NRF1: variants seen among roughly 807,000 people sequenced by gnomAD.
NRF1 encodes the protein nuclear respiratory factor 1.
Under a neutral mutation model 58.5 loss-of-function variants are expected in NRF1, and 5 were observed. That is an observed-to-expected ratio of 0.09 (90% CI 0.04 to 0.18). The LOEUF is 0.18. Among genes scored for constraint, NRF1 ranks in the 10% least tolerant of loss-of-function variants. NRF1 has a pLI of 1.00. For missense variants in NRF1, 288 were observed against 657.7 expected, an observed-to-expected ratio of 0.44 and a Z score of 6.15; for synonymous variants, 224 against 246.7, an observed-to-expected ratio of 0.91 and a Z score of 0.86.
intron 10 of NRF1, among the ~76,000 whole-genome samples, chr7:129,749,004 C>T (rs1804049147): frequency 6.6e-6 from 1 of 152,176 alleles, no homozygotes; most frequent in South Asian, 2.1e-4. Flanking sequence ...CCGTGGTCTA[C>T]CACAGTGCTC....
At chr7:129,663,098 A>G (rs1244605779) in intron 2 of NRF1, among the ~76,000 whole-genome samples, 1 of 152,264 alleles carries the variant, frequency 6.6e-6, no homozygotes, top group Non-Finnish European at 1.5e-5. Context: ...ACAGCATCCC[A>G]AGGCAGAAGA....
chr7:129,657,148 G>T (rs941605732), intron 1 of NRF1, among the ~76,000 whole-genome samples, 198 bp from the exon 2 acceptor site: 2 of 152,110 alleles, frequency 1.3e-5, no homozygotes, highest in Non-Finnish European at 2.9e-5. Context: ...ATGGTTTCAC[G>T]TAAGAACACC....
chr7:129,619,767 T>TTTTTTTTTTTTTTTTTTTTA, intron 1 of NRF1, among the ~76,000 whole-genome samples: 1 of 148,578 alleles, frequency 6.7e-6, no homozygotes. Flanking sequence ...TTTTACATTG[T>TTTTTTTTTTTTTTTTTTTTA]CTTAAATTCT....
At chr7:129,612,120 G>A (rs1562947866) in intron 1 of NRF1, among the ~76,000 whole-genome samples, 1 of 150,540 alleles carries the variant, frequency 6.6e-6, no homozygotes, top group Non-Finnish European at 1.5e-5. Flanking sequence ...GCCGCCTGGG[G>A]CTCTCGGGGC....
At chr7:129,657,080 G>C (rs1381047139) in intron 1 of NRF1, among the ~76,000 whole-genome samples, 4 of 152,240 alleles carry the variant, frequency 2.6e-5, no homozygotes, top group African/African-American at 7.2e-5. Flanking sequence ...TTATTATTAA[G>C]GGTATCTGTT....
intron 10 of NRF1, among the ~76,000 whole-genome samples, chr7:129,732,035 C>G (rs1803591258): frequency 6.6e-6 from 1 of 152,150 alleles, no homozygotes; most frequent in South Asian, 2.1e-4. Context: ...TCTGCTGGTC[C>G]CCAGAACCCC....
intron 4 of NRF1, among the ~76,000 whole-genome samples, chr7:129,678,313 A>G (rs1039129326): frequency 6.6e-6 from 1 of 152,184 alleles, no homozygotes; most frequent in Non-Finnish European, 1.5e-5. Flanking sequence ...AATAGGAACT[A>G]TTCTTTCTTG....
At chr7:129,640,259 G>A (rs1297115078) in intron 1 of NRF1, among the ~76,000 whole-genome samples, 1 of 152,192 alleles carries the variant, frequency 6.6e-6, no homozygotes, top group East Asian at 1.9e-4. Flanking sequence ...GTTCATGCCT[G>A]TAATCCAAGT....
intron 1 of NRF1, among the ~76,000 whole-genome samples, chr7:129,619,459 C>CATGT (rs1554401510): frequency 1.6e-4 from 10 of 61,150 alleles, no homozygotes; most frequent in African/African-American, 7.5e-4. Context: ...TATATATACA[C>CATGT]GTGTGTGTGT....
At chr7:129,664,495 G>A (rs1413077610) in intron 2 of NRF1, among the ~76,000 whole-genome samples, 1 of 152,214 alleles carries the variant, frequency 6.6e-6, no homozygotes, top group Non-Finnish European at 1.5e-5. Flanking sequence ...TGTCCACTGT[G>A]TATTTCCGGA....
chr7:129,635,370 TTTTG>T (rs749003343), intron 1 of NRF1, among the ~76,000 whole-genome samples: 26 of 152,182 alleles, frequency 1.7e-4, no homozygotes, highest in Non-Finnish European at 2.6e-4. Context: ...CTGTTACAGT[TTTTG>T]TTTGTTTGTT....
intron 1 of NRF1, among the ~76,000 whole-genome samples, chr7:129,613,780 TC>T (rs2151051439): frequency 1.2e-5 from 1 of 82,740 alleles, no homozygotes; most frequent in South Asian, 4.9e-4. Context: ...GCGCCAGTAA[TC>T]CCAGCTGCTG....
At chr7:129,699,462 C>A (rs1324641006) in intron 5 of NRF1, among the ~76,000 whole-genome samples, 1 of 152,020 alleles carries the variant, frequency 6.6e-6, no homozygotes, top group Non-Finnish European at 1.5e-5. Flanking sequence ...GCCTGTAATA[C>A]CAACACTTTA....
At chr7:129,650,518 ACTGT>A (rs1271856645) in intron 1 of NRF1, among the ~76,000 whole-genome samples, 2 of 152,188 alleles carry the variant, frequency 1.3e-5, no homozygotes, top group Non-Finnish European at 2.9e-5. Flanking sequence ...CTCAGAGATG[ACTGT>A]CTGATTTAGA....
intron 10 of NRF1, among the ~76,000 whole-genome samples, chr7:129,729,775 G>A (rs953383574): frequency 3.3e-5 from 5 of 152,154 alleles, no homozygotes; most frequent in Non-Finnish European, 7.3e-5. Context: ...GACTTTTAGA[G>A]GTTCTCTTTT....
At chr7:129,743,156 C>A (rs1373566026) in intron 10 of NRF1, among the ~76,000 whole-genome samples, 1 of 140,708 alleles carries the variant, frequency 7.1e-6, no homozygotes, top group East Asian at 2.1e-4. Flanking sequence ...ATGTCCTTTG[C>A]CTACTCCTAC....
In NRF1 at chr7:129,727,259, T is replaced by C. The variant is rs1803470895; in HGVS notation, c.1242T>C (p.Ala414=). The C allele has an allele frequency of 1.3e-6, 2 of 1,598,380 alleles. No homozygotes were observed. The highest frequency in any genetic ancestry group is 1.4e-5 in the African/African-American group (1 of 73,692). ...MALNSEAAAH[A]VATLAEATLQ... ...CCCGCAGCGAAGCTGCCGCCCATGCTGTCGCCACCCTGGCTGAGGCCACCT... is the reference window on the plus strand; with the variant it reads ...CCCGCAGCGAAGCTGCCGCCCATGCCGTCGCCACCCTGGCTGAGGCCACCT... Residue 414 remains alanine (A), a synonymous_variant, in exon 10 of 11, where the codon GCT becomes GCC. Transcript: ENST00000393232.
At chr7:129,691,349 T>TTTA (rs61017777) in intron 5 of NRF1, among the ~76,000 whole-genome samples, 2,807 of 137,482 alleles carry the variant, frequency 0.02, 118 homozygotes, top group African/African-American at 0.068. Flanking sequence ...TATTTATTTA[T>TTTA]TTATTATTAT....
intron 1 of NRF1, among the ~76,000 whole-genome samples, chr7:129,613,790 T>C (rs1213512274): frequency 9.9e-4 from 5 of 5,062 alleles, no homozygotes; most frequent in Middle Eastern, 0.045. Flanking sequence ...TCCCAGCTGC[T>C]GGGAGGGGCG....
Sources: gnomAD v4.1 joint callset for allele counts (sites outside exome capture counted in the v4.1 genomes callset) on GRCh38, gnomAD v4.1.1 for gene constraint, MANE v1.5 for transcripts, NCBI Gene and HGNC (gene_info 2026-07-23, HGNC 2026-07-21) for gene names.